DTNB: variants seen among roughly 807,000 people sequenced by gnomAD.
The protein encoded by DTNB is DTN-B.
Under a neutral mutation model 90.7 loss-of-function variants are expected in DTNB, and 63 were observed. The ratio of observed to expected loss-of-function variants is 0.69; its 90% CI spans 0.57 to 0.86. DTNB has a LOEUF of 0.86. DTNB is among the 40% of genes least tolerant of loss of function. DTNB has a pLI of 0.00. For synonymous variants in DTNB, 277 were observed against 286.7 expected (o/e 0.97, Z 0.34); for missense variants, 744 against 807.1 (o/e 0.92, Z 0.95).
chr2:25,504,283 GGAAGGAAGGAAAGAAA>G (rs1180239913), intron 9 of DTNB, among the ~76,000 whole-genome samples: 2 of 148,912 alleles, frequency 1.3e-5, no homozygotes, highest in Non-Finnish European at 1.5e-5. Flanking sequence ...ATGGACAGAT[GGAAGGAAGGAAAGAAA>G]GAAGGAAAGA....
rs2054112237 is a variant in DTNB, at chr2:25,432,223, A to ACACG, written c.1457+662_1457+663insCGTG. Among the ~76,000 whole-genome samples the ACACG allele has an allele frequency of 6.6e-5, 10 of 151,508 alleles. No individual in the cohort carries two copies. In the South Asian group the frequency reaches 1.9e-3, roughly 29 times the overall value. On this transcript the variant is annotated intron_variant, in intron 14 of 20. Coordinates refer to ENST00000406818, the MANE Select transcript of DTNB (RefSeq NM_021907.5). ...AGAGTGCGTACACACACACACACACACACACACACACACACACACACCCCT... is the reference window on the plus strand; with the variant it reads ...AGAGTGCGTACACACACACACACACACACGCACACACACACACACACACACCCCT...
intron 8 of DTNB, among the ~76,000 whole-genome samples, chr2:25,568,485 A>C (rs1010724627): frequency 1.3e-4 from 20 of 152,320 alleles, no homozygotes; most frequent in Admixed American, 2.6e-4. Context: ...TTTAAAAAAA[A>C]ACACACACAA....
chr2:25,660,031 G>A (rs1163733011), intron 1 of DTNB, among the ~76,000 whole-genome samples: 1 of 152,158 alleles, frequency 6.6e-6, no homozygotes, highest in African/African-American at 2.4e-5. Flanking sequence ...AAAAAACAGT[G>A]TAGTACTGGC....
intron 8 of DTNB, among the ~76,000 whole-genome samples, chr2:25,535,994 G>C (rs2079617526): frequency 1.3e-5 from 2 of 150,786 alleles, no homozygotes; most frequent in South Asian, 4.2e-4. Context: ...CCCAGAGGGG[G>C]CGGCCAGGCA....
At chr2:25,396,317 C>T (rs954158130) in intron 16 of DTNB, among the ~76,000 whole-genome samples, 1 of 152,126 alleles carries the variant, frequency 6.6e-6, no homozygotes, top group African/African-American at 2.4e-5. Context: ...TCGAGACCAG[C>T]CTGGCCAACA....
intron 3 of DTNB, among the ~76,000 whole-genome samples, 162 bp from the exon 4 acceptor site, chr2:25,628,546 C>T (rs934229513): frequency 2.0e-5 from 3 of 152,028 alleles, no homozygotes; most frequent in Admixed American, 6.6e-5. Flanking sequence ...AACATCAGTC[C>T]CAGACAACAT....
intron 14 of DTNB, among the ~76,000 whole-genome samples, chr2:25,428,375 T>G (rs923765254): frequency 1.1e-4 from 17 of 152,274 alleles, no homozygotes; most frequent in African/African-American, 3.6e-4. Context: ...TCTCTCACTT[T>G]ATCTAAGCAC....
intron 16 of DTNB, among the ~76,000 whole-genome samples, chr2:25,416,838 AAGG>A (rs2048105430): frequency 4.7e-5 from 7 of 149,426 alleles, no homozygotes; most frequent in Admixed American, 1.3e-4. Context: ...GGAAGGAAGG[AAGG>A]AAGGAAGGGT....
chr2:25,504,931 A>AG (rs34704526), intron 9 of DTNB, among the ~76,000 whole-genome samples: 50,002 of 151,996 alleles, frequency 0.33, 9,872 homozygotes, highest in African/African-American at 0.54. Context: ...ACAAATTTAG[A>AG]GACACAAACT....
chr2:25,568,321 T>C (rs1383485526), intron 8 of DTNB, among the ~76,000 whole-genome samples: 1 of 152,100 alleles, frequency 6.6e-6, no homozygotes, highest in Non-Finnish European at 1.5e-5. Context: ...AAATGTTATA[T>C]TACATATATT....
chr2:25,635,384 G>A (rs997896877), intron 3 of DTNB, among the ~76,000 whole-genome samples: 5 of 152,046 alleles, frequency 3.3e-5, no homozygotes, highest in African/African-American at 1.2e-4. Context: ...CCAAGATTGC[G>A]CCACTGCACT....
chr2:25,461,812 C>T (rs1292009106), intron 10 of DTNB, among the ~76,000 whole-genome samples: 3 of 152,142 alleles, frequency 2.0e-5, no homozygotes, highest in African/African-American at 4.8e-5. Context: ...TTTTGATGAG[C>T]GGGGACACTG....
Position 25,544,025 on chromosome 2 carries a change from C to T in DTNB, c.877-12428G>A, listed in dbSNP as rs542533674. ...AACAGCCCCTCAACAGGTAAAATTA[C>T]TCAAGAGAAAGAACCGCTGGCAACT... is the stretch of plus-strand genomic sequence containing the variant. On this transcript the variant is annotated intron_variant, in intron 8 of 20. Coordinates refer to ENST00000406818, the MANE Select transcript of DTNB (RefSeq NM_021907.5). Among the ~76,000 whole-genome samples, 103 of 152,306 alleles carry T rather than the reference C, an allele frequency of 6.8e-4. 1 individual carries two copies. Among genetic ancestry groups the T allele is most frequent in the African/African-American group, 2.3e-3 (97 of 41,572 alleles).
At chr2:25,543,063 T>A (rs2081626934) in intron 8 of DTNB, among the ~76,000 whole-genome samples, 1 of 152,198 alleles carries the variant, frequency 6.6e-6, no homozygotes, top group Non-Finnish European at 1.5e-5. Flanking sequence ...TGATAAACCA[T>A]CTCTGGTAAA....
At chr2:25,595,016 T>C (rs1327576293) in intron 6 of DTNB, 3 of 152,228 alleles carry the variant, frequency 2.0e-5, no homozygotes, top group Non-Finnish European at 4.4e-5. Context: ...ACCTAGAACA[T>C]TTCATCTTTT....
In DTNB at chr2:25,460,249, G is replaced by T. The variant is rs189948546; in HGVS notation, c.1080-4755C>A. On this transcript the variant is annotated intron_variant, in intron 10 of 20. Transcript: ENST00000406818. ...TGAACTGATGGGGAAGGCTAAGGGA[G>T]AAGTAGGTCTGGTGGGGGATGATAG... 1.7e-3 allele frequency among the ~76,000 whole-genome samples: 260 copies of T among 152,218 alleles called. 1 individual carries two copies. The highest frequency in any genetic ancestry group is 3.4e-3 in the Admixed American group (52 of 15,282).
intron 9 of DTNB, among the ~76,000 whole-genome samples, chr2:25,494,774 G>A (rs1483480028): frequency 6.6e-6 from 1 of 152,064 alleles, no homozygotes; most frequent in Admixed American, 6.5e-5. Context: ...CCCCAGCAAA[G>A]CCTCTGGCCT....
In DTNB at chr2:25,455,447, G is replaced by T; in HGVS notation, c.1127C>A (p.Ala376Glu). The stretch of plus-strand genomic sequence containing the variant: ...ACGGGCCACATAGGAGGCTATCAGC[G>T]CATGCTCATCGGCCAAGTGACTGGG... ...DIPSHLADEH[A>E]LIASYVARLQ... The change falls in exon 11 of 21, where the codon GCG becomes GAG. Residue 376 changes from alanine to glutamate, a missense_variant. By Grantham distance (107) the Ala-to-Glu change is moderately radical. Transcript: ENST00000406818. 1 of 1,606,364 alleles carries T rather than the reference G, an allele frequency of 6.2e-7. No homozygotes were observed. The highest frequency in any genetic ancestry group is 1.1e-5 in the South Asian group (1 of 89,156).
At chr2:25,654,459 A>G (rs1400711049) in intron 1 of DTNB, among the ~76,000 whole-genome samples, 1 of 152,222 alleles carries the variant, frequency 6.6e-6, no homozygotes, top group Non-Finnish European at 1.5e-5. Context: ...CATCCAGTCC[A>G]AAACAGCCAT....
Sources: allele counts gnomAD v4.1 joint callset (sites outside exome capture counted in the v4.1 genomes callset), GRCh38; gene constraint gnomAD v4.1.1; transcripts MANE v1.5; gene names NCBI Gene and HGNC (gene_info 2026-07-23, HGNC 2026-07-21).